The following ASTN2 variants were observed in gnomAD, a reference collection of about 807,000 sequenced individuals.
ASTN2 encodes astrotactin 2, also known as astrotactin-2.
ASTN2 carries 54 observed loss-of-function variants against 139.8 expected under a neutral mutation model. That is an observed-to-expected ratio of 0.39 (90% confidence interval 0.31 to 0.48). The LOEUF (loss-of-function observed/expected upper bound fraction) is 0.48, where lower values mean the gene tolerates loss of function less well. Ranked by LOEUF, ASTN2 falls within the 20% of genes least tolerant of loss-of-function variation. The probability of loss-of-function intolerance (pLI) is 0.95; values close to 1 mark genes in which losing one functional copy is unlikely to be tolerated. For synonymous variants in ASTN2, 756 were observed against 719.5 expected (o/e 1.05, Z -0.81); for missense variants, 1,565 against 1,725.1 (o/e 0.91, Z 1.64).
At chr9:116,935,887 T>C (rs1263177816) in intron 10 of ASTN2, among the ~76,000 whole-genome samples, 2 of 152,056 alleles carry the variant, frequency 1.3e-5, no homozygotes, top group African/African-American at 4.8e-5. Flanking sequence ...AATCTTTATA[T>C]GAACCTTTGA....
intron 4 of ASTN2, among the ~76,000 whole-genome samples, chr9:117,133,934 T>C (rs1189473133): frequency 2.6e-5 from 4 of 152,130 alleles, no homozygotes; most frequent in Non-Finnish European, 5.9e-5. Context: ...GGTAGTTGTG[T>C]CTATCCAGTC....
At chr9:117,346,048 G>A (rs1829206547) in intron 1 of ASTN2, among the ~76,000 whole-genome samples, 1 of 121,808 alleles carries the variant, frequency 8.2e-6, no homozygotes, top group Non-Finnish European at 1.8e-5. Flanking sequence ...AATTATACCA[G>A]GCATTTTCCA....
chr9:116,520,651 G>T (rs1251624980), intron 19 of ASTN2, among the ~76,000 whole-genome samples: 1 of 152,104 alleles, frequency 6.6e-6, no homozygotes, highest in Non-Finnish European at 1.5e-5. Context: ...GTCCTAGCAA[G>T]AGCAATCAGA....
chr9:116,433,819 G>T (rs565594811), intron 22 of ASTN2, among the ~76,000 whole-genome samples: 1 of 152,286 alleles, frequency 6.6e-6, no homozygotes, highest in African/African-American at 2.4e-5. Context: ...CACCAGGTTT[G>T]AAATGTGATT....
At chr9:116,815,448 G>GT (rs1831284923) in intron 12 of ASTN2, among the ~76,000 whole-genome samples, 2 of 152,082 alleles carry the variant, frequency 1.3e-5, no homozygotes, top group African/African-American at 4.8e-5. Flanking sequence ...CTGGCCGTGA[G>GT]TGCCCCCACC....
intron 1 of ASTN2, among the ~76,000 whole-genome samples, chr9:117,332,398 C>T (rs1324685944): frequency 6.6e-6 from 1 of 152,088 alleles, no homozygotes; most frequent in Non-Finnish European, 1.5e-5. Flanking sequence ...TGGTGAAACC[C>T]TCTCTCCACT....
chr9:117,392,659 T>C (rs188136983), intron 1 of ASTN2, among the ~76,000 whole-genome samples: 1 of 152,348 alleles, frequency 6.6e-6, no homozygotes, highest in East Asian at 1.9e-4. Context: ...CAAATGCTTT[T>C]CATTGTCAGT....
At chr9:116,637,259 G>A (rs1857119306) in intron 17 of ASTN2, among the ~76,000 whole-genome samples, 1 of 152,194 alleles carries the variant, frequency 6.6e-6, no homozygotes, top group Admixed American at 6.5e-5. Context: ...AAAATCAACT[G>A]AGACCTAAAA....
chr9:117,282,870 G>T (rs1384761919), intron 2 of ASTN2, among the ~76,000 whole-genome samples: 1 of 135,004 alleles, frequency 7.4e-6, no homozygotes, highest in Non-Finnish European at 1.5e-5. Flanking sequence ...ATTTAGAGTG[G>T]TCTGTTTGCA....
intron 13 of ASTN2, among the ~76,000 whole-genome samples, chr9:116,799,264 CT>C (rs1318760799): frequency 6.6e-6 from 1 of 152,150 alleles, no homozygotes; most frequent in Non-Finnish European, 1.5e-5. Flanking sequence ...CAAACACCAG[CT>C]TTCCTTGAAT....
chr9:117,259,802 C>A (rs1383143285), intron 2 of ASTN2, among the ~76,000 whole-genome samples: 1 of 152,134 alleles, frequency 6.6e-6, no homozygotes, highest in Non-Finnish European at 1.5e-5. Context: ...TTGTTAGGAA[C>A]CCCTGAGGCT....
At chr9:117,372,845 A>G (rs1422008604) in intron 1 of ASTN2, among the ~76,000 whole-genome samples, 1 of 152,134 alleles carries the variant, frequency 6.6e-6, no homozygotes, top group Non-Finnish European at 1.5e-5. Flanking sequence ...CCTCAAGCAG[A>G]TTCTTGTTTG....
At chr9:116,663,197 A>T (rs763142966) in intron 16 of ASTN2, among the ~76,000 whole-genome samples, 30 of 152,228 alleles carry the variant, frequency 2.0e-4, no homozygotes, top group Admixed American at 1.7e-3. Context: ...GAGGCCTCTG[A>T]GATGCTAATG....
At position 117,415,002 on chromosome 9, in the gene ASTN2, G is replaced by A; in HGVS notation, c.-64C>T. ...TGGCGGCGGTGGCGAAGGAGGAAGA[G>A]GAGGCAGCTGCGGAGACGGCGGACG... On this transcript the variant is annotated 5_prime_UTR_variant, in exon 1 of 23. Transcript: ENST00000313400. 1 of 197,100 alleles carries A rather than the reference G, an allele frequency of 5.1e-6. No individual in the cohort carries two copies. The highest frequency in any genetic ancestry group is 9.8e-6 in the Non-Finnish European group (1 of 101,740). 12.2% of individuals were successfully genotyped at this position (197,100 alleles called of 1,614,324 possible). A position where few individuals can be genotyped will look rare whatever the true frequency, so the allele number is the denominator to read the frequency against.
chr9:116,598,535 C>T (rs1224144504), intron 19 of ASTN2, among the ~76,000 whole-genome samples: 1 of 152,122 alleles, frequency 6.6e-6, no homozygotes, highest in Non-Finnish European at 1.5e-5. Flanking sequence ...TAGCAAAATC[C>T]ACAATTGCTT....
At chr9:116,511,352 C>A (rs921389851) in intron 19 of ASTN2, among the ~76,000 whole-genome samples, 1 of 152,130 alleles carries the variant, frequency 6.6e-6, no homozygotes, top group African/African-American at 2.4e-5. Context: ...AGGGATGAAG[C>A]CCACTTGATC....
At chr9:116,803,767 G>T (rs989689814) in intron 13 of ASTN2, among the ~76,000 whole-genome samples, 1 of 150,236 alleles carries the variant, frequency 6.7e-6, no homozygotes, top group Non-Finnish European at 1.5e-5. Context: ...CTCATGATCC[G>T]CCTGCCTCAG....
chr9:117,120,286 C>T (rs1829524646), intron 4 of ASTN2, among the ~76,000 whole-genome samples: 1 of 151,788 alleles, frequency 6.6e-6, no homozygotes, highest in African/African-American at 2.4e-5. Context: ...AGTACTTGCT[C>T]ACACCTACAA....
intron 2 of ASTN2, among the ~76,000 whole-genome samples, chr9:117,235,239 TA>T (rs558846312): frequency 6.7e-3 from 895 of 134,312 alleles, no homozygotes; most frequent in Middle Eastern, 0.016. Context: ...CTGTCTCAAT[TA>T]AAAAAAAAAA....
Sources: allele counts gnomAD v4.1 joint callset (sites outside exome capture counted in the v4.1 genomes callset), GRCh38; gene constraint gnomAD v4.1.1; transcripts MANE v1.5; gene names NCBI Gene and HGNC (gene_info 2026-07-23, HGNC 2026-07-21).